Variants in CLASP1 observed in about 807,000 individuals in gnomAD.
CLASP1 encodes the protein CLIP-associating protein 1.
Under a neutral mutation model 192.3 loss-of-function variants are expected in CLASP1, and 38 were observed. The observed-to-expected ratio is 0.20, with a 90% CI of 0.15 to 0.26. The LOEUF is 0.26. CLASP1 is among the 10% of genes least tolerant of loss of function. The probability of loss-of-function intolerance (pLI) is 1.00; values close to 1 mark genes in which losing one functional copy is unlikely to be tolerated. For synonymous variants in CLASP1, 691 were observed against 712.8 expected, an observed-to-expected ratio of 0.97 and a Z score of 0.49; for missense variants, 1,433 against 1,932.5, an observed-to-expected ratio of 0.74 and a Z score of 4.85.
intron 26 of CLASP1, chr2:121,403,905 CT>C (rs2076517573): frequency 2.3e-6 from 1 of 440,738 alleles, no homozygotes; most frequent in African/African-American, 2.0e-5. Context: ...ATGAAATAAC[CT>C]GGTTTATCAA....
chr2:121,438,590 T>C (rs554553167), intron 19 of CLASP1, among the ~76,000 whole-genome samples: 1 of 152,168 alleles, frequency 6.6e-6, no homozygotes, highest in South Asian at 2.1e-4. Context: ...GAGATAATCA[T>C]GTGGTTTTTG....
intron 19 of CLASP1, among the ~76,000 whole-genome samples, chr2:121,440,819 GA>G (rs11338192): frequency 0.23 from 30,976 of 132,024 alleles, 5,966 homozygotes; most frequent in African/African-American, 0.54. Flanking sequence ...ACAAGTAACA[GA>G]AAAAAAAAAA....
Position 121,513,253 on chromosome 2 carries a change from C to G in CLASP1, c.644+2412G>C, listed in dbSNP as rs184706588. On this transcript the variant is annotated intron_variant, in intron 7 of 39. Coordinates refer to ENST00000263710, the Ensembl canonical transcript of CLASP1. The stretch of plus-strand genomic sequence containing the variant: ...GGTTTTTAAAGAACAGCATAGTTCT[C>G]CAAGCACTCGTGTATGCCAAAGTGT... Among the ~76,000 whole-genome samples the G allele has an allele frequency of 4.7e-4, 71 of 152,268 alleles. No homozygotes were observed. In the Middle Eastern group the frequency reaches 0.014, roughly 29 times the overall value.
intron 2 of CLASP1, among the ~76,000 whole-genome samples, chr2:121,578,018 TC>T (rs1469093741): frequency 6.6e-6 from 1 of 152,092 alleles, no homozygotes; most frequent in African/African-American, 2.4e-5. Context: ...CTGCAACCTC[TC>T]CCTTCTGGGC....
At chr2:121,462,549 C>T in exon 10 of CLASP1, 2 of 1,593,958 alleles carry the variant, frequency 1.3e-6, no homozygotes, top group Non-Finnish European at 1.7e-6. Context: ...ACAGGTACAT[C>T]ATCAAATGCT....
chr2:121,375,208 ACTCT>A (rs564504659), intron 34 of CLASP1, among the ~76,000 whole-genome samples: 123 of 150,264 alleles, frequency 8.2e-4, no homozygotes, highest in Middle Eastern at 3.4e-3. Flanking sequence ...TTCCCTCTTC[ACTCT>A]CTCTCTCCTG....
At chr2:121,470,074 T>A (rs2090402678) in intron 8 of CLASP1, 114 bp from the exon 9 acceptor site, 9 of 888,566 alleles carry the variant, frequency 1.0e-5, no homozygotes, top group African/African-American at 1.7e-5. Flanking sequence ...TGATTCTGCA[T>A]ACTCTTTTGG....
At chr2:121,615,424 C>T (rs1319317902) in intron 1 of CLASP1, among the ~76,000 whole-genome samples, 1 of 152,014 alleles carries the variant, frequency 6.6e-6, no homozygotes, top group Non-Finnish European at 1.5e-5. Context: ...GTATGGCAGA[C>T]ATAGTGAGAT....
intron 34 of CLASP1, among the ~76,000 whole-genome samples, chr2:121,369,839 T>C (rs1040101201): frequency 6.6e-6 from 1 of 152,242 alleles, no homozygotes; most frequent in African/African-American, 2.4e-5. Flanking sequence ...TGACATTTTT[T>C]TTTCTTCTGT....
chr2:121,443,969 T>C (rs1191875782), intron 19 of CLASP1, among the ~76,000 whole-genome samples: 1 of 152,174 alleles, frequency 6.6e-6, no homozygotes, highest in Non-Finnish European at 1.5e-5. Flanking sequence ...GGTGACTAAA[T>C]AATATATGAA....
chr2:121,561,598 TA>T (rs920281918), intron 2 of CLASP1, among the ~76,000 whole-genome samples: 2 of 151,626 alleles, frequency 1.3e-5, no homozygotes, highest in Admixed American at 6.6e-5. Context: ...CTGATGAGCT[TA>T]AAAAAAAATT....
At chr2:121,464,895 T>C (rs1169762585) in intron 9 of CLASP1, among the ~76,000 whole-genome samples, 1 of 152,228 alleles carries the variant, frequency 6.6e-6, no homozygotes, top group East Asian at 1.9e-4. Flanking sequence ...TTGCTTTTGG[T>C]GTTTTAGACA....
chr2:121,553,529 T>C (rs1032738033), intron 2 of CLASP1, among the ~76,000 whole-genome samples: 1 of 123,610 alleles, frequency 8.1e-6, no homozygotes, highest in African/African-American at 3.1e-5. Context: ...TGGTGAAACC[T>C]GTCTCCACTA....
intron 1 of CLASP1, among the ~76,000 whole-genome samples, chr2:121,615,348 CA>C (rs369382244): frequency 4.9e-5 from 7 of 144,184 alleles, no homozygotes; most frequent in African/African-American, 7.7e-5. Flanking sequence ...TCAAAAAAAA[CA>C]AAAAAAAAAT....
intron 1 of CLASP1, among the ~76,000 whole-genome samples, chr2:121,618,086 G>A (rs2066745670): frequency 6.6e-6 from 1 of 152,146 alleles, no homozygotes; most frequent in Admixed American, 6.5e-5. Context: ...CCTTGTCACT[G>A]CATGCTGTTC....
chr2:121,557,272 A>G (rs2058650436), intron 2 of CLASP1, among the ~76,000 whole-genome samples: 1 of 152,178 alleles, frequency 6.6e-6, no homozygotes. Context: ...GTGGCTTCTG[A>G]ACTTTTTGAT....
At chr2:121,593,108 C>G (rs573204638) in intron 2 of CLASP1, among the ~76,000 whole-genome samples, 49 of 152,246 alleles carry the variant, frequency 3.2e-4, no homozygotes, top group Non-Finnish European at 5.9e-4. Context: ...CTGGCAAACA[C>G]CTCTTTAACC....
chr2:121,495,357 T>C (rs1450735220), intron 8 of CLASP1, among the ~76,000 whole-genome samples: 5 of 109,794 alleles, frequency 4.6e-5, no homozygotes, highest in African/African-American at 5.8e-5. Context: ...TTAAAGAGTA[T>C]TGTCACTTTA....
chr2:121,580,922 TAAAC>T (rs2061057393), intron 2 of CLASP1, among the ~76,000 whole-genome samples: 1 of 152,202 alleles, frequency 6.6e-6, no homozygotes, highest in Non-Finnish European at 1.5e-5. Context: ...GACTTTGGAA[TAAAC>T]AAACAATGAC....
Sources: gnomAD v4.1 joint callset for allele counts (sites outside exome capture counted in the v4.1 genomes callset) on GRCh38, gnomAD v4.1.1 for gene constraint, MANE v1.5 for transcripts, NCBI Gene and HGNC (gene_info 2026-07-23, HGNC 2026-07-21) for gene names.